Variants in RP1 observed in about 807,000 individuals in gnomAD.
RP1 encodes RP1 axonemal microtubule associated, also known as oxygen-regulated protein 1.
RP1 carries 16 observed loss-of-function variants against 14.8 expected under a neutral mutation model. The ratio of observed to expected loss-of-function variants is 1.08; its 90% confidence interval spans 0.73 to 1.65. The LOEUF (loss-of-function observed/expected upper bound fraction) is 1.65, where lower values mean the gene tolerates loss of function less well. Ranked by LOEUF, RP1 falls within the 40% of genes most tolerant of loss-of-function variation. The pLI is 0.00. For missense variants in RP1, 2,631 were observed against 2,535.0 expected (o/e 1.04, Z -0.81); for synonymous variants, 876 against 883.6 (o/e 0.99, Z 0.15).
intron 24 of RP1, among the ~76,000 whole-genome samples, chr8:54,787,648 C>T (rs1810354727): frequency 2.0e-5 from 3 of 152,142 alleles, no homozygotes; most frequent in Admixed American, 6.6e-5. Context: ...AGTGCTTATG[C>T]CGTTCACTCC....
intron 4 of RP1, among the ~76,000 whole-genome samples, chr8:54,652,010 A>AT (rs1806664580): frequency 1.3e-5 from 1 of 75,816 alleles, no homozygotes; most frequent in Admixed American, 1.7e-4. Flanking sequence ...TTTAATTTAC[A>AT]CTTTTTTTTT....
intron 17 of RP1, among the ~76,000 whole-genome samples, chr8:54,728,501 G>A (rs1193090650): frequency 6.6e-6 from 1 of 152,114 alleles, no homozygotes; most frequent in Non-Finnish European, 1.5e-5. Context: ...CCACTTTTGG[G>A]ATAGGGCAAG....
intron 4 of RP1, among the ~76,000 whole-genome samples, chr8:54,649,569 G>A (rs1806615086): frequency 6.6e-6 from 1 of 152,200 alleles, no homozygotes; most frequent in South Asian, 2.1e-4. Flanking sequence ...ATGGAGATCA[G>A]GGTCTAGAGG....
intron 5 of RP1, chr8:54,652,993 G>T: frequency 1.6e-6 from 1 of 607,750 alleles, no homozygotes; most frequent in Non-Finnish European, 2.9e-6. Flanking sequence ...CTTTCTTCAA[G>T]GCAGAAGTAT....
intron 1 of RP1, among the ~76,000 whole-genome samples, chr8:54,587,063 A>G (rs922256536): frequency 1.3e-5 from 2 of 152,226 alleles, no homozygotes; most frequent in Non-Finnish European, 2.9e-5. Flanking sequence ...GGAAATGCAG[A>G]AATCACCCAT....
At chr8:54,720,090 C>CT in intron 15 of RP1, 1 of 1,397,852 alleles carries the variant, frequency 7.2e-7, no homozygotes, top group Non-Finnish European at 9.4e-7. Flanking sequence ...TCTTTTAGGA[C>CT]TTGCTCACAT....
At chr8:54,786,605 C>T (rs191523225) in intron 24 of RP1, among the ~76,000 whole-genome samples, 21 of 152,122 alleles carry the variant, frequency 1.4e-4, no homozygotes, top group African/African-American at 4.3e-4. Flanking sequence ...AATACATGCT[C>T]CTCAATTTGT....
At chr8:54,745,671 CTTTTTCCTTTTTTTT>C (rs1016765195) in intron 19 of RP1, among the ~76,000 whole-genome samples, 1 of 145,466 alleles carries the variant, frequency 6.9e-6, no homozygotes, top group Non-Finnish European at 1.5e-5. Flanking sequence ...ACTGCTGTTT[CTTTTTCCTTTTTTTT>C]TTTTTCCAAG....
intron 14 of RP1, among the ~76,000 whole-genome samples, chr8:54,706,286 A>G (rs1333261473): frequency 6.6e-6 from 1 of 152,214 alleles, no homozygotes; most frequent in African/African-American, 2.4e-5. Context: ...TTACTTTTGC[A>G]TAGCAGTGAC....
At chr8:54,771,427 A>C (rs1041293463), downstream of RP1, among the ~76,000 whole-genome samples, 8 of 152,068 alleles carry the variant, frequency 5.3e-5, no homozygotes, top group Non-Finnish European at 1.0e-4. Context: ...TTTGTCAATA[A>C]TGTAAGACAT....
At chr8:54,863,115 C>T (rs1433569858) in intron 27 of RP1, among the ~76,000 whole-genome samples, 2 of 138,464 alleles carry the variant, frequency 1.4e-5, no homozygotes, top group Non-Finnish European at 3.1e-5. Flanking sequence ...TTTCAGTTAA[C>T]GTGGACCACA....
chr8:54,626,960 G>A lies in RP1; in HGVS notation c.3078G>A (p.Leu1026=), dbSNP rs1202930591. 3 of 1,613,822 alleles carry A rather than the reference G, an allele frequency of 1.9e-6. No individual in the cohort carries two copies. Among genetic ancestry groups the A allele is most frequent in the Admixed American group, 1.7e-5 (1 of 59,990 alleles). The stretch of plus-strand genomic sequence containing the variant: ...TTCCCCTGCATGAACACTGTACTTT[G>A]TCACAGTCAGCTATTAATGATCATA... The part of the protein sequence containing the change: ...YLVPLHEHCT[L]SQSAINDHNT... The change falls in exon 4 of 4, where the codon TTG becomes TTA. Residue 1026 remains leucine, a synonymous_variant. Coordinates refer to ENST00000220676, the MANE Select transcript of RP1 (RefSeq NM_006269.2).
intron 24 of RP1, among the ~76,000 whole-genome samples, chr8:54,835,245 T>G (rs1811629673): frequency 6.6e-6 from 1 of 152,188 alleles, no homozygotes; most frequent in African/African-American, 2.4e-5. Context: ...AAACCAGAAC[T>G]AAGTTCCAAA....
At chr8:54,814,679 T>C (rs1227854978) in intron 24 of RP1, among the ~76,000 whole-genome samples, 1 of 152,230 alleles carries the variant, frequency 6.6e-6, no homozygotes, top group Non-Finnish European at 1.5e-5. Context: ...TCATAATCGT[T>C]TACTCTGTTA....
At chr8:54,835,272 A>T (rs972379365) in intron 24 of RP1, among the ~76,000 whole-genome samples, 2 of 152,228 alleles carry the variant, frequency 1.3e-5, no homozygotes, top group African/African-American at 4.8e-5. Context: ...TGACTAATAT[A>T]TTAGAAGCAA....
chr8:54,738,419 G>A (rs1348788172), intron 18 of RP1, among the ~76,000 whole-genome samples: 2 of 152,118 alleles, frequency 1.3e-5, no homozygotes, highest in East Asian at 3.9e-4. Flanking sequence ...TCTGTGGGCA[G>A]GTTTGCTTCT....
intron 25 of RP1, among the ~76,000 whole-genome samples, chr8:54,839,680 T>G (rs1698981361): frequency 1.3e-5 from 2 of 152,082 alleles, no homozygotes; most frequent in South Asian, 4.1e-4. Flanking sequence ...TCCACCAGCA[T>G]CTCCTTGATT....
At chr8:54,601,461 T>A (rs1805284602) in intron 1 of RP1, among the ~76,000 whole-genome samples, 1 of 151,554 alleles carries the variant, frequency 6.6e-6, no homozygotes, top group Non-Finnish European at 1.5e-5. Context: ...TTGGGAGATA[T>A]ACCTAATGCT....
At chr8:54,689,468 G>A (rs1010821494) in intron 12 of RP1, among the ~76,000 whole-genome samples, 1 of 151,852 alleles carries the variant, frequency 6.6e-6, no homozygotes, top group Non-Finnish European at 1.5e-5. Context: ...CTTTCTTGGG[G>A]CCTAAGTTGG....
Sources: allele counts gnomAD v4.1 joint callset (sites outside exome capture counted in the v4.1 genomes callset), GRCh38; gene constraint gnomAD v4.1.1; transcripts MANE v1.5; gene names NCBI Gene and HGNC (gene_info 2026-07-23, HGNC 2026-07-21).